Variants in GMDS observed in about 807,000 individuals in gnomAD.
The protein encoded by GMDS is GDP-mannose 4,6 dehydratase.
In GMDS, 20 loss-of-function variants were observed where a neutral mutation model predicts 49.9. The observed-to-expected ratio is 0.40, with a 90% CI of 0.28 to 0.58. GMDS has a LOEUF of 0.58. GMDS is among the 20% of genes least tolerant of loss of function. The pLI, the probability that GMDS is intolerant of heterozygous loss-of-function variation, is 0.42. For synonymous variants in GMDS, 177 were observed against 178.6 expected, an observed-to-expected ratio of 0.99 and a Z score of 0.07; for missense variants, 362 against 481.4, an observed-to-expected ratio of 0.75 and a Z score of 2.32.
At chr6:2,124,661 C>T (rs370390817) in intron 2 of GMDS, 26 bp downstream of exon 2, 144 of 1,599,946 alleles carry the variant, frequency 9.0e-5, no homozygotes, top group Middle Eastern at 1.6e-4. Context: ...CACCAGCCTG[C>T]GCCCGCTTCC....
chr6:1,726,538 A>T, intron 8 of GMDS, 26 bp from the exon 9 acceptor site: 1 of 1,514,544 alleles, frequency 6.6e-7, no homozygotes, highest in African/African-American at 1.4e-5. Flanking sequence ...ACACTGAATC[A>T]GCTCCTAATT....
intron 4 of GMDS, among the ~76,000 whole-genome samples, chr6:2,079,206 G>T (rs183656628): frequency 4.9e-4 from 74 of 151,552 alleles, no homozygotes; most frequent in Admixed American, 1.1e-3. Flanking sequence ...TATATAGCTG[G>T]ATCTTAATTT....
chr6:2,189,895 T>G (rs969434856), intron 1 of GMDS, among the ~76,000 whole-genome samples: 2 of 144,100 alleles, frequency 1.4e-5, no homozygotes, highest in Non-Finnish European at 3.0e-5. Context: ...ACTCCAGGAC[T>G]ACTGGGTTGG....
At position 1,643,563 on chromosome 6, in the gene GMDS, C is replaced by G. The variant is rs564609036; in HGVS notation, c.988-19023G>C. ...TTGTGGGGATGCTGGTCAAAGGATA[C>G]ACACCTATAGCTAGGTGGGGACAGC... On this transcript the variant is annotated intron_variant, in intron 9 of 10. Coordinates refer to ENST00000380815, the MANE Select transcript of GMDS (RefSeq NM_001500.4). Among the ~76,000 whole-genome samples the G allele has an allele frequency of 4.6e-5, 7 of 152,212 alleles. No individual in the cohort carries two copies. In the South Asian group the frequency reaches 1.5e-3, roughly 32 times the overall value.
chr6:1,923,139 T>C (rs1369506189), intron 7 of GMDS, among the ~76,000 whole-genome samples: 1 of 152,172 alleles, frequency 6.6e-6, no homozygotes, highest in Non-Finnish European at 1.5e-5. Flanking sequence ...CCATTAAACC[T>C]CTTTGTCTTT....
intron 4 of GMDS, among the ~76,000 whole-genome samples, chr6:2,067,245 T>C (rs1771663542): frequency 6.6e-6 from 1 of 152,004 alleles, no homozygotes; most frequent in South Asian, 2.1e-4. Context: ...TACCAGAATC[T>C]CTGGGACGCA....
intron 4 of GMDS, among the ~76,000 whole-genome samples, chr6:2,042,382 T>C (rs1192929652): frequency 6.6e-6 from 1 of 152,100 alleles, no homozygotes; most frequent in Admixed American, 6.6e-5. Flanking sequence ...TACTTCCCAG[T>C]ATCTCTCAAA....
At chr6:2,022,825 T>C (rs937593485) in intron 4 of GMDS, among the ~76,000 whole-genome samples, 3 of 152,082 alleles carry the variant, frequency 2.0e-5, no homozygotes, top group Admixed American at 6.6e-5. Flanking sequence ...CAGCCAATAA[T>C]AGTGAACATT....
intron 4 of GMDS, among the ~76,000 whole-genome samples, chr6:2,056,075 A>T (rs973712946): frequency 6.6e-6 from 1 of 152,196 alleles, no homozygotes; most frequent in Non-Finnish European, 1.5e-5. Context: ...ACACAGAAAG[A>T]AAGAATGTTG....
At chr6:1,690,403 A>G (rs372884243) in intron 9 of GMDS, among the ~76,000 whole-genome samples, 40 of 152,302 alleles carry the variant, frequency 2.6e-4, no homozygotes, top group African/African-American at 9.4e-4. Flanking sequence ...TGTGTAAGGT[A>G]TAAGGAAGGG....
At chr6:1,812,870 T>C (rs576930933) in intron 7 of GMDS, among the ~76,000 whole-genome samples, 57 of 152,306 alleles carry the variant, frequency 3.7e-4, no homozygotes, top group African/African-American at 1.3e-3. Context: ...GAACAGAAAT[T>C]TATTTTTGTT....
At chr6:2,066,804 C>T (rs1344131399) in intron 4 of GMDS, among the ~76,000 whole-genome samples, 2 of 152,098 alleles carry the variant, frequency 1.3e-5, no homozygotes, top group South Asian at 2.1e-4. Flanking sequence ...GACTCCCACA[C>T]ATTAATAATG....
chr6:1,934,134 A>G (rs994555636), intron 6 of GMDS, among the ~76,000 whole-genome samples: 2 of 152,144 alleles, frequency 1.3e-5, no homozygotes. Context: ...TAGAAAGGTT[A>G]TTTTTCCCAT....
chr6:1,881,006 AG>A (rs1759336181), intron 7 of GMDS, among the ~76,000 whole-genome samples: 1 of 152,242 alleles, frequency 6.6e-6, no homozygotes, highest in Non-Finnish European at 1.5e-5. Flanking sequence ...AGAAAATCCT[AG>A]TATCTTAAAA....
Position 2,097,612 on chromosome 6 carries a change from G to A in GMDS, c.345+18159C>T, listed in dbSNP as rs146723349. 4.0e-3 allele frequency among the ~76,000 whole-genome samples: 609 copies of A among 152,226 alleles called. 3 individuals are homozygous for A. Among genetic ancestry groups the A allele is most frequent in the Middle Eastern group, 0.014 (4 of 294 alleles). On this transcript the variant is annotated intron_variant, in intron 4 of 10. Transcript: ENST00000380815. ...AAATCTTTGCCATCATTATTACACA[G>A]GAAAGGCTTTGAAAGAATTCCAAGC...
intron 4 of GMDS, among the ~76,000 whole-genome samples, chr6:1,975,363 A>C (rs1264274098): frequency 6.6e-6 from 1 of 152,240 alleles, no homozygotes. Flanking sequence ...TTCAGAAAGC[A>C]GTAACACTGA....
intron 6 of GMDS, 42 bp from the exon 7 acceptor site, chr6:1,930,272 G>A (rs1434487451): frequency 1.3e-6 from 2 of 1,582,240 alleles, no homozygotes; most frequent in East Asian, 2.3e-5. Flanking sequence ...AAGTGCACTT[G>A]ACACATTTAA....
chr6:1,694,929 G>C (rs538318812), intron 9 of GMDS, among the ~76,000 whole-genome samples: 1 of 152,186 alleles, frequency 6.6e-6, no homozygotes, highest in Non-Finnish European at 1.5e-5. Context: ...TTTGTCTAAC[G>C]TTCTTTGAGT....
chr6:1,978,926 C>G (rs937662225), intron 4 of GMDS, among the ~76,000 whole-genome samples: 2 of 152,152 alleles, frequency 1.3e-5, no homozygotes, highest in Non-Finnish European at 2.9e-5. Flanking sequence ...TATATCACAG[C>G]CTTCACTGGT....
Sources: allele counts gnomAD v4.1 joint callset (sites outside exome capture counted in the v4.1 genomes callset), GRCh38; gene constraint gnomAD v4.1.1; transcripts MANE v1.5; gene names NCBI Gene and HGNC (gene_info 2026-07-23, HGNC 2026-07-21).